FAM117B: variants seen among roughly 807,000 people sequenced by gnomAD.
FAM117B encodes the protein protein FAM117B.
In FAM117B, 22 loss-of-function variants were observed where a neutral mutation model predicts 52.8. The observed-to-expected ratio is 0.42, with a 90% CI of 0.30 to 0.59. FAM117B has a LOEUF of 0.59. Among genes scored for constraint, FAM117B ranks in the 20% least tolerant of loss-of-function variants. The pLI is 0.22. For missense variants in FAM117B, 678 were observed against 802.6 expected, an observed-to-expected ratio of 0.84 and a Z score of 1.88; for synonymous variants, 309 against 324.1, an observed-to-expected ratio of 0.95 and a Z score of 0.50.
chr2:202,651,429 A>G (rs533780687), intron 1 of FAM117B, among the ~76,000 whole-genome samples: 32 of 151,028 alleles, frequency 2.1e-4, no homozygotes, highest in African/African-American at 7.3e-4. Flanking sequence ...TTGGAGTGCA[A>G]TGGCACAATC....
chr2:202,751,762 A>T (rs1330709451), intron 4 of FAM117B, among the ~76,000 whole-genome samples: 1 of 121,750 alleles, frequency 8.2e-6, no homozygotes, highest in Non-Finnish European at 1.7e-5. Flanking sequence ...ACAGACCGAG[A>T]CTCCATCTCA....
chr2:202,765,806 C>G lies in FAM117B; in HGVS notation c.*42C>G. ...GCTGTTGTTCTGGGAAATTGGGAAC[C>G]TCCTCAGATCACTGGATTCTGATGG... is the stretch of plus-strand genomic sequence containing the variant. On this transcript the variant is annotated 3_prime_UTR_variant, in exon 8 of 8. Transcript: ENST00000392238. 6.3e-7 allele frequency: 1 copy of G among 1,575,772 alleles called. No homozygotes were observed.
intron 1 of FAM117B, among the ~76,000 whole-genome samples, chr2:202,640,735 G>A (rs1478626020): frequency 6.6e-6 from 1 of 151,634 alleles, no homozygotes; most frequent in Non-Finnish European, 1.5e-5. Flanking sequence ...TTAGCTTCCC[G>A]AGTAGCTGGG....
At chr2:202,650,579 A>G (rs1314167023) in intron 1 of FAM117B, among the ~76,000 whole-genome samples, 1 of 152,210 alleles carries the variant, frequency 6.6e-6, no homozygotes, top group Non-Finnish European at 1.5e-5. Context: ...AAGTCCCACA[A>G]TAGGCTGTCT....
At chr2:202,638,751 T>G (rs576662477) in intron 1 of FAM117B, among the ~76,000 whole-genome samples, 8 of 152,312 alleles carry the variant, frequency 5.3e-5, no homozygotes, top group Admixed American at 2.0e-4. Context: ...GTGGATCACC[T>G]GAGGTCAGGT....
intron 2 of FAM117B, among the ~76,000 whole-genome samples, chr2:202,697,914 G>C (rs1690736981): frequency 6.6e-6 from 1 of 152,034 alleles, no homozygotes; most frequent in Non-Finnish European, 1.5e-5. Flanking sequence ...TTCCCAGGCT[G>C]GATGGAGTAC....
At chr2:202,741,833 A>G (rs1408121237) in intron 4 of FAM117B, among the ~76,000 whole-genome samples, 1 of 152,124 alleles carries the variant, frequency 6.6e-6, no homozygotes, top group Non-Finnish European at 1.5e-5. Flanking sequence ...GCGCCTGGCC[A>G]GTGAAAATTT....
In FAM117B at chr2:202,635,043, C is replaced by G; in HGVS notation, c.-145C>G. Reference sequence around the variant, plus strand: ...TGCACCACCTCGTTGCTGCCTGCCCCGGCCCGGTCTCCCCCTGCACCCCGG... The same window carrying G: ...TGCACCACCTCGTTGCTGCCTGCCCGGGCCCGGTCTCCCCCTGCACCCCGG... On this transcript the variant is annotated 5_prime_UTR_variant, in exon 1 of 8. Transcript: ENST00000392238. 1 of 1,123,328 alleles carries G rather than the reference C, an allele frequency of 8.9e-7. No homozygotes were observed. The allele number at this position is 1,123,328 out of a possible 1,614,324, so 69.6% of individuals were successfully genotyped here. A position where few individuals can be genotyped will look rare whatever the true frequency, so the allele number is the denominator to read the frequency against.
At chr2:202,759,921 A>G in intron 7 of FAM117B, among the ~76,000 whole-genome samples, 1 of 150,846 alleles carries the variant, frequency 6.6e-6, no homozygotes, top group Non-Finnish European at 1.5e-5. Flanking sequence ...GGCTGGTCCC[A>G]AACTCCTGGG....
chr2:202,727,320 A>G (rs897462405), intron 4 of FAM117B, among the ~76,000 whole-genome samples: 1 of 152,060 alleles, frequency 6.6e-6, no homozygotes, highest in African/African-American at 2.4e-5. Flanking sequence ...AGAATGTCCC[A>G]CCATGTGTTT....
At chr2:202,652,484 T>A (rs1390707443) in intron 1 of FAM117B, among the ~76,000 whole-genome samples, 3 of 152,190 alleles carry the variant, frequency 2.0e-5, no homozygotes, top group African/African-American at 7.2e-5. Flanking sequence ...CTTTAGAATT[T>A]AAGAAAGAGA....
rs144107463 is a variant in FAM117B, at chr2:202,646,686, A to G, written c.601+10898A>G. ...TCTTTTGAGTACGAGTGGTTTCTCT[A>G]TGAATCTGTTTATTTGACCATCTTA... On this transcript the variant is annotated intron_variant, in intron 1 of 7. Coordinates refer to ENST00000392238, the MANE Select transcript of FAM117B (RefSeq NM_173511.4). Among the ~76,000 whole-genome samples, 637 of 152,288 alleles carry G rather than the reference A, an allele frequency of 4.2e-3. 8 individuals carry two copies. The highest frequency in any genetic ancestry group is 5.4e-3 in the Non-Finnish European group (364 of 68,026).
intron 2 of FAM117B, among the ~76,000 whole-genome samples, chr2:202,714,339 AT>A (rs1368292613): frequency 6.6e-6 from 1 of 152,020 alleles, no homozygotes. Context: ...TATAGTATAG[AT>A]TGAGTCTGAT....
Position 202,765,759 on chromosome 2 carries a change from G to T in FAM117B, c.1765G>T (p.Gly589Ter). The change falls in exon 8 of 8, where the codon GGA becomes TGA. Residue 589 changes from glycine (G) to a stop codon, truncating the protein, a stop_gained. Transcript: ENST00000392238. LOFTEE classifies it high-confidence loss of function. ...PPPEPIEEAE[G>*] ...ACCAGAACCAATTGAGGAAGCTGAA[G>T]GATAGGTCACAGTGCAACGTGGCTG... 1 of 1,613,834 alleles carries T rather than the reference G, an allele frequency of 6.2e-7. No individual in the cohort carries two copies. Among genetic ancestry groups the T allele is most frequent in the Non-Finnish European group, 8.5e-7 (1 of 1,179,800 alleles).
At chr2:202,717,332 G>A (rs1259491724) in intron 2 of FAM117B, among the ~76,000 whole-genome samples, 2 of 152,152 alleles carry the variant, frequency 1.3e-5, no homozygotes. Context: ...AACAAGCCAG[G>A]TGTGGTGGCA....
At chr2:202,760,406 A>G (rs1249003617) in intron 7 of FAM117B, among the ~76,000 whole-genome samples, 1 of 152,198 alleles carries the variant, frequency 6.6e-6, no homozygotes, top group Non-Finnish European at 1.5e-5. Context: ...GTGATGTGGC[A>G]TCTCCTTTCA....
rs538246284 is a variant in FAM117B, at chr2:202,691,466, G to A, written c.602-4415G>A. Among the ~76,000 whole-genome samples, 11 of 149,458 alleles carry A rather than the reference G, an allele frequency of 7.4e-5. 1 individual carries two copies. The highest frequency in any genetic ancestry group is 2.2e-4 in the African/African-American group (9 of 40,550). ...TCCAATAATTTTAATAATCTTTGGC[G>A]GACTGGTTGAAAAGTTAACCCTTAG... On this transcript the variant is annotated intron_variant, in intron 1 of 7. Transcript: ENST00000392238.
chr2:202,710,887 CT>C lies in FAM117B; in HGVS notation c.754-14021del, dbSNP rs1054675952. Among the ~76,000 whole-genome samples the C allele has an allele frequency of 1.1e-4, 17 of 151,526 alleles. No homozygotes were observed. In the East Asian group the frequency reaches 2.9e-3, roughly 26 times the overall value. ...CATGCTGTTGCAAATGACAGGATCT[CT>C]TTTTTTTTGTTATGGCTGAATAGTA... On this transcript the variant is annotated intron_variant, in intron 2 of 7. Transcript: ENST00000392238.
chr2:202,736,689 G>A (rs1365113243), intron 4 of FAM117B, among the ~76,000 whole-genome samples: 3 of 152,212 alleles, frequency 2.0e-5, no homozygotes, highest in South Asian at 2.1e-4. Flanking sequence ...CTGAGCCAGG[G>A]AAGTCAAGGC....
Sources: allele counts gnomAD v4.1 joint callset (sites outside exome capture counted in the v4.1 genomes callset), GRCh38; gene constraint gnomAD v4.1.1; transcripts MANE v1.5; gene names NCBI Gene and HGNC (gene_info 2026-07-23, HGNC 2026-07-21).